The following SLC27A1 variants were observed in gnomAD, a reference collection of about 807,000 sequenced individuals.
SLC27A1 encodes the protein solute carrier family 27 member 1.
In SLC27A1, 61 loss-of-function variants were observed where a neutral mutation model predicts 62.2. The ratio of observed to expected loss-of-function variants is 0.98; its 90% CI spans 0.80 to 1.21. The LOEUF (loss-of-function observed/expected upper bound fraction) is 1.21, where lower values mean the gene tolerates loss of function less well. Ranked by LOEUF, SLC27A1 falls within the 50% of genes most tolerant of loss-of-function variation. The probability of loss-of-function intolerance (pLI) is 0.00; values close to 1 mark genes in which losing one functional copy is unlikely to be tolerated. For missense variants in SLC27A1, 903 were observed against 932.1 expected (o/e 0.97, Z 0.41); for synonymous variants, 435 against 408.6 (o/e 1.06, Z -0.78).
intron 1 of SLC27A1, among the ~76,000 whole-genome samples, chr19:17,470,940 A>C (rs1057033183): frequency 1.3e-4 from 19 of 145,336 alleles, no homozygotes; most frequent in African/African-American, 4.9e-4. Context: ...CTCGAGGAAG[A>C]TGAGTAGCCT....
Position 17,504,693 on chromosome 19 carries a change from C to G in SLC27A1, c.*81C>G. 2 of 1,570,346 alleles carry G rather than the reference C, an allele frequency of 1.3e-6. No homozygotes were observed. Among genetic ancestry groups the G allele is most frequent in the Non-Finnish European group, 1.7e-6 (2 of 1,152,752 alleles). On this transcript the variant is annotated 3_prime_UTR_variant, in exon 12 of 12. Transcript: ENST00000252595. ...CCAGACAGCGCTGCCCAGGGGTGGC[C>G]GCCTAGTACACACCCACCTGGCCGA...
At chr19:17,475,283 A>G (rs975664980) in intron 1 of SLC27A1, among the ~76,000 whole-genome samples, 1 of 152,152 alleles carries the variant, frequency 6.6e-6, no homozygotes, top group African/African-American at 2.4e-5. Context: ...GCTCGTGCAT[A>G]TAATTCCAGC....
rs1430558238 is a variant in SLC27A1, at chr19:17,504,787, G to A, written c.*175G>A. ...TCAGAGGAACCCGTGCCTCTCTGCT[G>A]CCTTGGTGCCCCTGTGTCTGCCTCC... On this transcript the variant is annotated 3_prime_UTR_variant, in exon 12 of 12. Coordinates refer to ENST00000252595, the MANE Select transcript of SLC27A1 (RefSeq NM_198580.3). 1.2e-6 allele frequency: 1 copy of A among 810,336 alleles called. No homozygotes were observed. Among genetic ancestry groups the A allele is most frequent in the Non-Finnish European group, 2.1e-6 (1 of 483,398 alleles). 50.2% of individuals were successfully genotyped at this position (810,336 alleles called of 1,614,324 possible). A position where few individuals can be genotyped will look rare whatever the true frequency, so the allele number is the denominator to read the frequency against.
intron 1 of SLC27A1, among the ~76,000 whole-genome samples, chr19:17,477,109 G>A (rs533783287): frequency 4.6e-5 from 7 of 151,872 alleles, no homozygotes; most frequent in Admixed American, 6.6e-5. Flanking sequence ...GGCTGGTCTC[G>A]AACTCCTGGC....
At chr19:17,501,505 AAAG>A in intron 11 of SLC27A1, 86 bp downstream of exon 11, 1 of 1,528,302 alleles carries the variant, frequency 6.5e-7, no homozygotes. Context: ...TGTTGCTCTA[AAAG>A]AATACCTGGC....
chr19:17,487,635 G>A, intron 4 of SLC27A1, 106 bp downstream of exon 4: 3 of 1,160,294 alleles, frequency 2.6e-6, no homozygotes, highest in Non-Finnish European at 3.7e-6. Context: ...ATGTTACCCT[G>A]GGGACAGAGA....
Position 17,504,173 on chromosome 19 carries a change from A to G in SLC27A1, c.1784-282A>G, listed in dbSNP as rs533149897. On this transcript the variant is annotated intron_variant, in intron 11 of 11. Coordinates refer to ENST00000252595, the MANE Select transcript of SLC27A1 (RefSeq NM_198580.3). ...TTGCTAAACTCTTATTCACTGTGTA[A>G]CAGACACAGCCCTGCCTGTCATGTG... Among the ~76,000 whole-genome samples the G allele has an allele frequency of 3.2e-4, 49 of 152,278 alleles. No homozygotes were observed. The South Asian group carries it at 0.01, about 32-fold the overall frequency.
At chr19:17,484,821 A>G (rs529748676) in intron 1 of SLC27A1, among the ~76,000 whole-genome samples, 98 of 152,282 alleles carry the variant, frequency 6.4e-4, no homozygotes, top group Non-Finnish European at 9.3e-4. Flanking sequence ...GTGAGCAGCC[A>G]TTGCAGGGAT....
intron 11 of SLC27A1, 122 bp downstream of exon 11, chr19:17,501,541 C>A (rs142771530): frequency 8.9e-6 from 12 of 1,349,456 alleles, no homozygotes; most frequent in Non-Finnish European, 1.0e-5. Context: ...CGGTGGCTCA[C>A]GCCTGTAATC....
At chr19:17,477,070 G>T (rs190198091) in intron 1 of SLC27A1, among the ~76,000 whole-genome samples, 15 of 151,632 alleles carry the variant, frequency 9.9e-5, no homozygotes, top group Non-Finnish European at 1.9e-4. Context: ...TGTATTTTTA[G>T]TAGAGACGGG....
At chr19:17,473,862 C>G (rs577505613) in intron 1 of SLC27A1, among the ~76,000 whole-genome samples, 1 of 152,208 alleles carries the variant, frequency 6.6e-6, no homozygotes, top group Non-Finnish European at 1.5e-5. Flanking sequence ...AACTCCATCT[C>G]AAAAAACAAA....
In SLC27A1 at chr19:17,486,183, G is replaced by A. The variant is rs2075227488; in HGVS notation, c.168-380G>A. On this transcript the variant is annotated intron_variant, in intron 1 of 11. Coordinates refer to ENST00000252595, the MANE Select transcript of SLC27A1 (RefSeq NM_198580.3). This position sits in a 1 kb window ranked among gnomAD's most constrained non-coding sequence, Gnocchi z 6.6. ...GCCCAGCTCGGGGCTGGACCCTGGG[G>A]GTCCTGGTTAGGGTGGTCTGAGCAT... is the stretch of plus-strand genomic sequence containing the variant. Among the ~76,000 whole-genome samples the A allele has an allele frequency of 1.3e-5, 2 of 152,184 alleles. No homozygotes were observed. Among genetic ancestry groups the A allele is most frequent in the Admixed American group, 1.3e-4 (2 of 15,284 alleles).
chr19:17,500,540 T>A lies in SLC27A1; in HGVS notation c.1379T>A (p.Leu460Gln), dbSNP rs775123391. Residue 460 changes from leucine (L) to glutamine (Q), a missense_variant, in exon 9 of 12, where the codon CTG (leucine) becomes CAG (glutamine). By Grantham distance (113) the Leu-to-Gln change is moderately radical. Transcript: ENST00000252595. ...LVGQINQQDP[L>Q]RRFDGYVSES... is the part of the protein sequence containing the mutation. ...GGTCAGATCAACCAACAGGACCCGC[T>A]GCGCCGCTTCGATGGCTATGTCAGC... The A allele has an allele frequency of 1.2e-6, 2 of 1,613,612 alleles. No homozygotes were observed. Among genetic ancestry groups the A allele is most frequent in the Non-Finnish European group, 1.7e-6 (2 of 1,179,822 alleles).
At chr19:17,485,107 C>A (rs1458553676) in intron 1 of SLC27A1, among the ~76,000 whole-genome samples, 2 of 151,926 alleles carry the variant, frequency 1.3e-5, no homozygotes, top group Admixed American at 6.6e-5. Context: ...CCACTCATTT[C>A]TCCAGCTTCT....
chr19:17,504,405 TC>T, intron 11 of SLC27A1, 49 bp from the exon 12 acceptor site: 4 of 1,610,970 alleles, frequency 2.5e-6, no homozygotes, highest in South Asian at 1.1e-5. Context: ...AGTTGAGGCC[TC>T]CCAGAAGCCA....
At chr19:17,504,423 C>T (rs974542563) in intron 11 of SLC27A1, 32 bp from the exon 12 acceptor site, 2 of 1,613,690 alleles carry the variant, frequency 1.2e-6, no homozygotes, top group Non-Finnish European at 1.7e-6. Context: ...GCCACCTGCT[C>T]AGCCCTTATC....
At chr19:17,474,128 A>G (rs77551758) in intron 1 of SLC27A1, among the ~76,000 whole-genome samples, 7,950 of 152,046 alleles carry the variant, frequency 0.052, 690 homozygotes, top group African/African-American at 0.18. Context: ...ATTTTTTATA[A>G]AGGAGAGGTC....
chr19:17,486,907 T>C lies in SLC27A1; in HGVS notation c.512T>C (p.Leu171Pro). Residue 171 changes from leucine to proline, a missense_variant, in exon 2 of 12, where the codon CTG (leucine) becomes CCG (proline). By Grantham distance (98) the Leu-to-Pro change is moderately conservative. Transcript: ENST00000252595. This position sits in a 1 kb window ranked among gnomAD's most constrained non-coding sequence, Gnocchi z 6.6. ...CGGCGCGAGCCCCTGGCCTTCTGCC[T>C]GGGCACCTCGGGCGCTAAGGCCCTG... ...NLRREPLAFC[L>P]GTSGAKALIF... 1 of 1,592,112 alleles carries C rather than the reference T, an allele frequency of 6.3e-7. No homozygotes were observed. Among genetic ancestry groups the C allele is most frequent in the Non-Finnish European group, 8.5e-7 (1 of 1,176,314 alleles).
At chr19:17,470,839 G>A (rs192682895) in intron 1 of SLC27A1, 132 bp downstream of exon 1, 5 of 726,932 alleles carry the variant, frequency 6.9e-6, no homozygotes, top group Admixed American at 7.7e-5. Flanking sequence ...GTTGGGGGCG[G>A]GGCTGGGCCG....
Sources: gnomAD v4.1 joint callset for allele counts (sites outside exome capture counted in the v4.1 genomes callset) on GRCh38, gnomAD v4.1.1 for gene constraint, Gnocchi (gnomAD v3.1) non-coding constraint, MANE v1.5 for transcripts, NCBI Gene and HGNC (gene_info 2026-07-23, HGNC 2026-07-21) for gene names.